Variants in ANO4 observed in about 807,000 individuals in gnomAD.
ANO4 encodes the protein anoctamin-4.
ANO4 carries 69 observed loss-of-function variants against 141.9 expected under a neutral mutation model. The observed-to-expected ratio is 0.49, with a 90% CI of 0.40 to 0.59. ANO4 has a LOEUF of 0.59. ANO4 is among the 20% of genes least tolerant of loss of function. The pLI, the probability that ANO4 is intolerant of heterozygous loss-of-function variation, is 0.00. For synonymous variants in ANO4, 350 were observed against 394.3 expected, an observed-to-expected ratio of 0.89 and a Z score of 1.33; for missense variants, 894 against 1,162.2, an observed-to-expected ratio of 0.77 and a Z score of 3.36.
intron 3 of ANO4, among the ~76,000 whole-genome samples, chr12:100,749,171 C>G (rs972759960): frequency 1.3e-5 from 2 of 152,106 alleles, no homozygotes; most frequent in Admixed American, 6.6e-5. Context: ...GTCTCCTTCA[C>G]ATTGAAGTTG....
intron 14 of ANO4, among the ~76,000 whole-genome samples, chr12:101,066,380 A>C (rs2048587715): frequency 6.6e-6 from 1 of 152,220 alleles, no homozygotes; most frequent in Non-Finnish European, 1.5e-5. Flanking sequence ...ACTCCACCAA[A>C]AATCTATTAG....
At chr12:100,841,864 A>G (rs2037266234) in intron 1 of ANO4, among the ~76,000 whole-genome samples, 1 of 152,128 alleles carries the variant, frequency 6.6e-6, no homozygotes, top group South Asian at 2.1e-4. Context: ...TGCTCTTTGT[A>G]GACAACAATG....
chr12:101,053,407 T>C (rs1419078818), intron 14 of ANO4, among the ~76,000 whole-genome samples: 2 of 152,180 alleles, frequency 1.3e-5, no homozygotes, highest in African/African-American at 4.8e-5. Flanking sequence ...TACTACAAAC[T>C]GGGTAGCTTA....
At chr12:100,743,856 C>T (rs908141713) in intron 3 of ANO4, among the ~76,000 whole-genome samples, 2 of 152,138 alleles carry the variant, frequency 1.3e-5, no homozygotes, top group African/African-American at 4.8e-5. Context: ...TTAATCCTCA[C>T]CCTCCTCCCA....
At chr12:100,776,337 G>A (rs986318945) in intron 3 of ANO4, among the ~76,000 whole-genome samples, 4 of 152,138 alleles carry the variant, frequency 2.6e-5, no homozygotes, top group Admixed American at 6.5e-5. Context: ...ACCACCTCGC[G>A]AGGGCTCTTT....
At chr12:100,731,262 C>T (rs1433666342) in intron 1 of ANO4, among the ~76,000 whole-genome samples, 1 of 152,148 alleles carries the variant, frequency 6.6e-6, no homozygotes, top group Non-Finnish European at 1.5e-5. Context: ...ACCAGTGTTG[C>T]AACTATTTAA....
At chr12:101,082,794 C>T (rs1006493959) in intron 15 of ANO4, among the ~76,000 whole-genome samples, 2 of 152,216 alleles carry the variant, frequency 1.3e-5, no homozygotes, top group Non-Finnish European at 2.9e-5. Flanking sequence ...CCAGTACCTT[C>T]ATCCGAATCT....
chr12:101,017,109 C>T (rs530735223), intron 8 of ANO4, among the ~76,000 whole-genome samples: 6 of 152,192 alleles, frequency 3.9e-5, no homozygotes, highest in African/African-American at 1.4e-4. Flanking sequence ...AAAGACACAC[C>T]CAAGACTGGG....
At chr12:100,913,374 A>C (rs1353753387) in intron 2 of ANO4, among the ~76,000 whole-genome samples, 2 of 152,212 alleles carry the variant, frequency 1.3e-5, no homozygotes, top group East Asian at 3.8e-4. Flanking sequence ...TATATTTTAG[A>C]AGCTTGAAGA....
intron 2 of ANO4, among the ~76,000 whole-genome samples, chr12:100,738,615 A>AT (rs1217421440): frequency 1.3e-5 from 2 of 151,960 alleles, no homozygotes; most frequent in African/African-American, 4.8e-5. Context: ...GAGACTTTTT[A>AT]TTTTTTTGGA....
intron 1 of ANO4, among the ~76,000 whole-genome samples, chr12:100,809,061 T>C (rs183559573): frequency 1.3e-5 from 2 of 152,294 alleles, no homozygotes; most frequent in East Asian, 3.9e-4. Context: ...ATTGAAAGAT[T>C]TGCTGTTTAC....
intron 22 of ANO4, among the ~76,000 whole-genome samples, chr12:101,106,573 G>GTATATATATATATA (rs56808655): frequency 1.3e-4 from 18 of 138,608 alleles, no homozygotes; most frequent in African/African-American, 3.9e-4. Context: ...GTGTGTGTGT[G>GTATATATATATATA]TATATATATA....
intron 14 of ANO4, among the ~76,000 whole-genome samples, chr12:101,051,580 A>G (rs2047873353): frequency 6.6e-6 from 1 of 152,230 alleles, no homozygotes; most frequent in African/African-American, 2.4e-5. Context: ...TAACAGTTAT[A>G]TTAATAGCAT....
At chr12:100,856,454 A>T (rs765714140) in intron 1 of ANO4, among the ~76,000 whole-genome samples, 5 of 152,186 alleles carry the variant, frequency 3.3e-5, no homozygotes, top group Non-Finnish European at 7.4e-5. Context: ...TGCTTGGAGG[A>T]TAGAAAGTAA....
chr12:101,079,396 CA>C, intron 15 of ANO4, 121 bp downstream of exon 15: 1 of 794,792 alleles, frequency 1.3e-6, no homozygotes, highest in Admixed American at 2.9e-5. Flanking sequence ...AAAGCATTTT[CA>C]ATTGCCTTTT....
intron 3 of ANO4, among the ~76,000 whole-genome samples, chr12:100,766,907 T>C (rs1392043114): frequency 1.3e-5 from 2 of 152,206 alleles, no homozygotes; most frequent in Admixed American, 6.5e-5. Flanking sequence ...TGGGTACATA[T>C]ATATTTACAA....
At chr12:100,986,223 G>A (rs1435595982) in intron 7 of ANO4, among the ~76,000 whole-genome samples, 1 of 152,080 alleles carries the variant, frequency 6.6e-6, no homozygotes, top group African/African-American at 2.4e-5. Flanking sequence ...AAGAAGTCCC[G>A]CAATCTGCAG....
chr12:100,803,761 CT>C (rs2034831592), intron 1 of ANO4, among the ~76,000 whole-genome samples: 1 of 152,110 alleles, frequency 6.6e-6, no homozygotes, highest in African/African-American at 2.4e-5. Context: ...CTAATTACCC[CT>C]ACCTCAGAGT....
In ANO4 at chr12:101,023,188, G is replaced by A. The variant is rs565186488; in HGVS notation, c.841+3048G>A. The stretch of plus-strand genomic sequence containing the variant: ...TGAACTGAAAAGCTTTTAAATTATT[G>A]TGCCTAATTTTGCGTCTCAAAATGT... On this transcript the variant is annotated intron_variant, in intron 9 of 27. Coordinates refer to ENST00000392977, the MANE Select transcript of ANO4 (RefSeq NM_001286615.2). Among the ~76,000 whole-genome samples the A allele has an allele frequency of 2.6e-5, 4 of 152,264 alleles. No individual in the cohort carries two copies. The East Asian group carries it at 7.7e-4, about 29-fold the overall frequency.
Sources: allele counts gnomAD v4.1 joint callset (sites outside exome capture counted in the v4.1 genomes callset), GRCh38; gene constraint gnomAD v4.1.1; transcripts MANE v1.5; gene names NCBI Gene and HGNC (gene_info 2026-07-23, HGNC 2026-07-21).